Variants in KPNA1 observed in about 807,000 individuals in gnomAD.
KPNA1 encodes karyopherin subunit alpha 1, also known as importin subunit alpha-5.
KPNA1 carries 10 observed loss-of-function variants against 70.5 expected under a neutral mutation model. The observed-to-expected ratio is 0.14, with a 90% CI of 0.09 to 0.24. KPNA1 has a LOEUF of 0.24. Ranked by LOEUF, KPNA1 falls within the 10% of genes least tolerant of loss-of-function variation. KPNA1 has a pLI of 1.00. For synonymous variants in KPNA1, 192 were observed against 221.9 expected, an observed-to-expected ratio of 0.87 and a Z score of 1.20; for missense variants, 397 against 637.9, an observed-to-expected ratio of 0.62 and a Z score of 4.07.
At position 122,441,929 on chromosome 3, in the gene KPNA1, G is replaced by C. The variant is rs563290141; in HGVS notation, c.996+109C>G. 21 of 873,202 alleles carry C rather than the reference G, an allele frequency of 2.4e-5. No individual in the cohort carries two copies. The South Asian group carries it at 2.9e-4, about 12-fold the overall frequency. 54.1% of individuals were successfully genotyped at this position (873,202 alleles called of 1,614,324 possible). On this transcript the variant is annotated intron_variant, in intron 10 of 13. Coordinates refer to ENST00000344337, the MANE Select transcript of KPNA1 (RefSeq NM_002264.4). The stretch of plus-strand genomic sequence containing the variant: ...CATTTTTAAACATTAGTGTAACAGA[G>C]TATCAAGTTTCCCTAATAATATGGA...
At chr3:122,473,460 T>A (rs1306773617) in intron 2 of KPNA1, among the ~76,000 whole-genome samples, 1 of 152,140 alleles carries the variant, frequency 6.6e-6, no homozygotes, top group Non-Finnish European at 1.5e-5. Flanking sequence ...TGAACACAGG[T>A]GCAAAATCCT....
intron 1 of KPNA1, among the ~76,000 whole-genome samples, chr3:122,500,479 T>C (rs985567886): frequency 5.3e-5 from 8 of 151,614 alleles, no homozygotes; most frequent in African/African-American, 1.7e-4. Flanking sequence ...TCACTAGTAA[T>C]GTCTCCTCTT....
intron 5 of KPNA1, among the ~76,000 whole-genome samples, chr3:122,454,982 T>C (rs769831997): frequency 2.0e-5 from 3 of 152,258 alleles, no homozygotes; most frequent in African/African-American, 4.8e-5. Flanking sequence ...CTTAATTACA[T>C]TTCAGGTTGT....
At chr3:122,452,373 G>T (rs1343073903) in intron 6 of KPNA1, among the ~76,000 whole-genome samples, 1 of 151,436 alleles carries the variant, frequency 6.6e-6, no homozygotes, top group Non-Finnish European at 1.5e-5. Flanking sequence ...GCCGGGTGTG[G>T]TGGCAGGCGC....
chr3:122,455,913 G>C (rs2076259881), intron 5 of KPNA1, among the ~76,000 whole-genome samples: 1 of 152,024 alleles, frequency 6.6e-6, no homozygotes, highest in Non-Finnish European at 1.5e-5. Context: ...CAACAACCCA[G>C]AGATGTAAAG....
Position 122,427,207 on chromosome 3 carries a change from A to T in KPNA1, c.1430-35T>A, listed in dbSNP as rs565253445. The T allele has an allele frequency of 1.2e-5, 18 of 1,450,852 alleles. No homozygotes were observed. The East Asian group carries it at 3.6e-4, about 29-fold the overall frequency. 89.9% of individuals were successfully genotyped at this position (1,450,852 alleles called of 1,614,324 possible). On this transcript the variant is annotated intron_variant, in intron 13 of 13. Transcript: ENST00000344337. ...AGAATAAAGGAAAATCTTTATTGAA[A>T]ACTTCAATAAATATTGGAAATTCCA...
At chr3:122,499,355 C>A (rs1271016044) in intron 1 of KPNA1, among the ~76,000 whole-genome samples, 1 of 152,182 alleles carries the variant, frequency 6.6e-6, no homozygotes, top group Admixed American at 6.5e-5. Context: ...GAGAAGTTCC[C>A]TCTTATTCCT....
chr3:122,459,018 A>G (rs55793255), intron 5 of KPNA1, among the ~76,000 whole-genome samples: 20,262 of 152,242 alleles, frequency 0.13, 1,426 homozygotes, highest in Middle Eastern at 0.27. Context: ...TCATTTTGCA[A>G]TATTTCAGCC....
At chr3:122,445,501 G>C (rs1294512690) in intron 9 of KPNA1, among the ~76,000 whole-genome samples, 1 of 152,250 alleles carries the variant, frequency 6.6e-6, no homozygotes, top group South Asian at 2.1e-4. Context: ...GGCCTGCCTT[G>C]CAAGAGCTCC....
At chr3:122,506,987 T>C (rs965123778) in intron 1 of KPNA1, among the ~76,000 whole-genome samples, 4 of 152,050 alleles carry the variant, frequency 2.6e-5, no homozygotes, top group African/African-American at 9.7e-5. Context: ...TAGTGAAAAA[T>C]TGTAAAAAAC....
In KPNA1 at chr3:122,489,053, C is replaced by CGTGTGTGTGT. The variant is rs111683855; in HGVS notation, c.129+7383_129+7384insACACACACAC. Among the ~76,000 whole-genome samples, 241 of 118,802 alleles carry CGTGTGTGTGT rather than the reference C, an allele frequency of 2.0e-3. 3 individuals are homozygous for CGTGTGTGTGT. Among genetic ancestry groups the CGTGTGTGTGT allele is most frequent in the Middle Eastern group, 8.8e-3 (2 of 228 alleles). 77.9% of individuals were successfully genotyped at this position (118,802 alleles called of 152,430 possible). A position where few individuals can be genotyped will look rare whatever the true frequency, so the allele number is the denominator to read the frequency against. ...CATAACTCGCTTGTGGGTTTTTTTGCGTGCGTGTGTGTGTGTGTGTGTGTG... is the reference window on the plus strand; with the variant it reads ...CATAACTCGCTTGTGGGTTTTTTTGCGTGTGTGTGTGTGCGTGTGTGTGTGTGTGTGTGTG... On this transcript the variant is annotated intron_variant, in intron 2 of 13. Transcript: ENST00000344337.
intron 2 of KPNA1, 112 bp downstream of exon 2, chr3:122,496,325 C>CAT: frequency 1.3e-6 from 1 of 792,242 alleles, no homozygotes; most frequent in Non-Finnish European, 2.0e-6. Context: ...GGAAAACACA[C>CAT]ACACACACAC....
At chr3:122,512,087 T>C (rs2076961261) in intron 1 of KPNA1, among the ~76,000 whole-genome samples, 1 of 152,174 alleles carries the variant, frequency 6.6e-6, no homozygotes, top group Non-Finnish European at 1.5e-5. Context: ...AAAATAATTC[T>C]TAACATAGTT....
At chr3:122,453,695 C>G (rs555337909) in intron 6 of KPNA1, among the ~76,000 whole-genome samples, 175 bp downstream of exon 6, 1 of 152,190 alleles carries the variant, frequency 6.6e-6, no homozygotes, top group Admixed American at 6.5e-5. Context: ...TACCACCATG[C>G]CCGGCTAATT....
intron 2 of KPNA1, among the ~76,000 whole-genome samples, chr3:122,493,873 C>T (rs970263912): frequency 6.6e-6 from 1 of 152,164 alleles, no homozygotes; most frequent in African/African-American, 2.4e-5. Flanking sequence ...GCATGAGCCA[C>T]CCCGCCCAGC....
chr3:122,463,273 G>C (rs112060906), intron 4 of KPNA1, among the ~76,000 whole-genome samples: 3 of 151,484 alleles, frequency 2.0e-5, no homozygotes, highest in Non-Finnish European at 4.4e-5. Flanking sequence ...GCGTGAACCC[G>C]GGAGGCGGCG....
intron 1 of KPNA1, among the ~76,000 whole-genome samples, chr3:122,499,088 A>G: frequency 6.6e-6 from 1 of 152,272 alleles, no homozygotes; most frequent in Non-Finnish European, 1.5e-5. Flanking sequence ...ATCCTGCTGA[A>G]CTTGTTTAAT....
intron 2 of KPNA1, among the ~76,000 whole-genome samples, chr3:122,488,170 T>A (rs970336465): frequency 2.0e-5 from 3 of 152,182 alleles, no homozygotes; most frequent in African/African-American, 7.2e-5. Context: ...CATGGAAGAC[T>A]GCTAAAATTT....
chr3:122,513,081 TTAAA>T (rs1284157485), intron 1 of KPNA1, among the ~76,000 whole-genome samples: 1 of 152,148 alleles, frequency 6.6e-6, no homozygotes, highest in Non-Finnish European at 1.5e-5. Context: ...ATTGAACGGA[TTAAA>T]TAAAGAAAAC....
Sources: gnomAD v4.1 joint callset for allele counts (sites outside exome capture counted in the v4.1 genomes callset) on GRCh38, gnomAD v4.1.1 for gene constraint, MANE v1.5 for transcripts, NCBI Gene and HGNC (gene_info 2026-07-23, HGNC 2026-07-21) for gene names.